SRBD1: variants seen among roughly 807,000 people sequenced by gnomAD.
SRBD1 encodes the protein S1 RNA-binding domain-containing protein 1.
A neutral mutation model predicts 115.3 loss-of-function variants in SRBD1; 88 were observed. The observed-to-expected ratio is 0.76, with a 90% CI of 0.64 to 0.91. SRBD1 has a LOEUF of 0.91. SRBD1 is among the 40% of genes least tolerant of loss of function. The probability of loss-of-function intolerance (pLI) is 0.00; values close to 1 mark genes in which losing one functional copy is unlikely to be tolerated. For synonymous variants in SRBD1, 509 were observed against 407.7 expected (o/e 1.25, Z -2.99); for missense variants, 1,385 against 1,177.4 (o/e 1.18, Z -2.58).
intron 18 of SRBD1, among the ~76,000 whole-genome samples, chr2:45,414,319 ATG>A: frequency 6.6e-6 from 1 of 152,168 alleles, no homozygotes; most frequent in Non-Finnish European, 1.5e-5. Context: ...AAGAAAAATG[ATG>A]ATATGAACTA....
Position 45,579,924 on chromosome 2 carries a change from C to T in SRBD1, c.1023G>A (p.Glu341=), listed in dbSNP as rs1444564208. 1 of 1,610,032 alleles carries T rather than the reference C, an allele frequency of 6.2e-7. No individual in the cohort carries two copies. Among genetic ancestry groups the T allele is most frequent in the Non-Finnish European group, 8.5e-7 (1 of 1,178,170 alleles). Residue 341 remains glutamate (E), a synonymous_variant, in exon 7 of 21, where the codon GAG becomes GAA. Transcript: ENST00000263736. ...ATAGCAGACTGAGCTCCCCTGGTTT[C>T]TCAAGCAGTGCCCTGGCTGCTCCTT... ...GLEGAARALL[E]KPGELSLLSY...
At chr2:45,491,000 T>C (rs539054325) in intron 14 of SRBD1, among the ~76,000 whole-genome samples, 3 of 152,162 alleles carry the variant, frequency 2.0e-5, no homozygotes, top group African/African-American at 4.8e-5. Flanking sequence ...AACCTCAACA[T>C]TGATTACTTC....
At chr2:45,477,100 A>C in intron 15 of SRBD1, 25 bp from the exon 16 acceptor site, 3 of 1,593,804 alleles carry the variant, frequency 1.9e-6, no homozygotes, top group Non-Finnish European at 2.6e-6. Context: ...TCAGAAAACA[A>C]GTATGACTTA....
chr2:45,437,279 A>T (rs1668525886), intron 16 of SRBD1, among the ~76,000 whole-genome samples: 1 of 151,994 alleles, frequency 6.6e-6, no homozygotes, highest in African/African-American at 2.4e-5. Context: ...AAAGAGAATG[A>T]AGTCAAAGAA....
chr2:45,389,673 C>A, intron 20 of SRBD1, 74 bp from the exon 21 acceptor site: 1 of 1,399,334 alleles, frequency 7.1e-7, no homozygotes, highest in Non-Finnish European at 9.7e-7. Context: ...TGAATAAGTA[C>A]TTACTACATA....
chr2:45,478,426 C>A (rs1051516339), intron 15 of SRBD1, among the ~76,000 whole-genome samples: 5 of 152,200 alleles, frequency 3.3e-5, no homozygotes, highest in African/African-American at 7.2e-5. Context: ...TTTATTACTA[C>A]ATCTAATATA....
chr2:45,557,040 G>C (rs1672501857), intron 10 of SRBD1, among the ~76,000 whole-genome samples: 1 of 152,098 alleles, frequency 6.6e-6, no homozygotes, highest in African/African-American at 2.4e-5. Flanking sequence ...CAAGACAAAA[G>C]AATAAGGGCA....
At chr2:45,407,888 T>C (rs548955999) in intron 19 of SRBD1, among the ~76,000 whole-genome samples, 48 of 151,902 alleles carry the variant, frequency 3.2e-4, no homozygotes, top group African/African-American at 9.9e-4. Flanking sequence ...ATTATATAAA[T>C]AATAAATATA....
chr2:45,507,228 T>C (rs1294390276), intron 14 of SRBD1, among the ~76,000 whole-genome samples: 1 of 152,062 alleles, frequency 6.6e-6, no homozygotes, highest in Non-Finnish European at 1.5e-5. Flanking sequence ...CAGACACACA[T>C]CTCATAATTT....
intron 10 of SRBD1, among the ~76,000 whole-genome samples, chr2:45,556,448 CTT>C (rs59284495): frequency 2.4e-4 from 19 of 78,834 alleles, no homozygotes; most frequent in African/African-American, 8.1e-4. Flanking sequence ...TGCTCTATTA[CTT>C]TTTTTTTTTT....
chr2:45,418,690 A>G (rs1409587353), intron 17 of SRBD1, 149 bp from the exon 18 acceptor site: 1 of 814,696 alleles, frequency 1.2e-6, no homozygotes, highest in Non-Finnish European at 1.8e-6. Context: ...AAAAAAAACA[A>G]AAAAAAAACG....
intron 17 of SRBD1, 105 bp from the exon 18 acceptor site, chr2:45,418,646 G>A (rs768080155): frequency 6.7e-5 from 65 of 968,800 alleles, no homozygotes; most frequent in African/African-American, 8.6e-5. Flanking sequence ...ATCCTCATAC[G>A]GCTAAGTTAA....
At chr2:45,531,816 C>T (rs1671621640) in intron 14 of SRBD1, among the ~76,000 whole-genome samples, 1 of 151,790 alleles carries the variant, frequency 6.6e-6, no homozygotes, top group African/African-American at 2.4e-5. Context: ...TTTGTTCTTT[C>T]TTCAGACTCA....
At chr2:45,603,062 C>T (rs1396803808) in intron 2 of SRBD1, among the ~76,000 whole-genome samples, 1 of 152,008 alleles carries the variant, frequency 6.6e-6, no homozygotes, top group African/African-American at 2.4e-5. Context: ...ATTAGAAAAC[C>T]AATGAAATAG....
intron 15 of SRBD1, among the ~76,000 whole-genome samples, chr2:45,482,682 A>C (rs1488516187): frequency 1.3e-5 from 2 of 151,882 alleles, no homozygotes; most frequent in African/African-American, 4.8e-5. Flanking sequence ...ATGCAGAACA[A>C]GGATGAAAGT....
chr2:45,605,027 G>T (rs1674222063), intron 2 of SRBD1, among the ~76,000 whole-genome samples: 1 of 152,152 alleles, frequency 6.6e-6, no homozygotes, highest in Admixed American at 6.5e-5. Context: ...CCACAACAAA[G>T]AATTGTCTTG....
rs559356292 is a variant in SRBD1, at chr2:45,488,427, A to C, written c.1875-96T>G. 28 of 927,226 alleles carry C rather than the reference A, an allele frequency of 3.0e-5. 1 individual carries two copies. The South Asian group carries it at 4.2e-4, about 14-fold the overall frequency. The allele number at this position is 927,226 out of a possible 1,614,324, so 57.4% of individuals were successfully genotyped here. A position where few individuals can be genotyped will look rare whatever the true frequency, so the allele number is the denominator to read the frequency against. On this transcript the variant is annotated intron_variant, in intron 14 of 20. Coordinates refer to ENST00000263736, the MANE Select transcript of SRBD1 (RefSeq NM_018079.5). ...AACCAGGCATTACCAGAAAAAAAAA[A>C]ATAACAGGGCAAACTGTTCTCTTCA... is the stretch of plus-strand genomic sequence containing the variant.
chr2:45,553,589 C>A, intron 11 of SRBD1, 34 bp downstream of exon 11: 2 of 1,378,738 alleles, frequency 1.5e-6, no homozygotes, highest in Non-Finnish European at 2.0e-6. Flanking sequence ...TAACAATAAT[C>A]AGTACACAAA....
At chr2:45,515,275 C>T (rs559040583) in intron 14 of SRBD1, among the ~76,000 whole-genome samples, 2 of 152,180 alleles carry the variant, frequency 1.3e-5, no homozygotes, top group South Asian at 2.1e-4. Context: ...CACAGCAAAC[C>T]TATTATTATC....
Sources: gnomAD v4.1 joint callset for allele counts (sites outside exome capture counted in the v4.1 genomes callset) on GRCh38, gnomAD v4.1.1 for gene constraint, MANE v1.5 for transcripts, NCBI Gene and HGNC (gene_info 2026-07-23, HGNC 2026-07-21) for gene names.